Variants in NDST4 observed in about 807,000 individuals in gnomAD.
NDST4 encodes N-heparan sulfate sulfotransferase 4.
Under a neutral mutation model 100.8 loss-of-function variants are expected in NDST4, and 63 were observed. The observed-to-expected ratio is 0.62, with a 90% CI of 0.51 to 0.77. The LOEUF (loss-of-function observed/expected upper bound fraction) is 0.77. Ranked by LOEUF, NDST4 falls within the 30% of genes least tolerant of loss-of-function variation. The probability of loss-of-function intolerance (pLI) is 0.00; values close to 1 mark genes in which losing one functional copy is unlikely to be tolerated. For synonymous variants in NDST4, 377 were observed against 361.8 expected (o/e 1.04, Z -0.48); for missense variants, 943 against 1,018.4 (o/e 0.93, Z 1.01).
chr4:115,104,380 G>GGT (rs1233799072), intron 1 of NDST4, among the ~76,000 whole-genome samples: 1 of 152,006 alleles, frequency 6.6e-6, no homozygotes, highest in East Asian at 1.9e-4. Context: ...CACTATAAGG[G>GGT]GTGTGGATAA....
intron 6 of NDST4, among the ~76,000 whole-genome samples, chr4:114,882,250 G>A (rs930161900): frequency 8.6e-5 from 13 of 151,736 alleles, no homozygotes; most frequent in Admixed American, 8.6e-4. Flanking sequence ...TATCTTCACT[G>A]GAGTTATTTT....
intron 2 of NDST4, among the ~76,000 whole-genome samples, chr4:114,986,808 A>G (rs1196344797): frequency 2.0e-5 from 1 of 51,230 alleles, no homozygotes; most frequent in African/African-American, 5.3e-5. Context: ...ATATATATAT[A>G]TATATATATA....
intron 2 of NDST4, among the ~76,000 whole-genome samples, chr4:115,059,005 G>A (rs905840310): frequency 3.6e-5 from 5 of 140,770 alleles, no homozygotes; most frequent in South Asian, 2.2e-4. Context: ...ACACACACAC[G>A]CTCAAAATTA....
chr4:114,975,652 A>G lies in NDST4; in HGVS notation c.1066+1535T>C, dbSNP rs1174686062. On this transcript the variant is annotated intron_variant, in intron 3 of 13. Coordinates refer to ENST00000264363, the MANE Select transcript of NDST4 (RefSeq NM_022569.3). ...TTAATAGGTCTGAGTATGAAAAGTA[A>G]ATAAAAACTGAGGCAGTTATCCAGA... Among the ~76,000 whole-genome samples, 4 of 152,164 alleles carry G rather than the reference A, an allele frequency of 2.6e-5. No individual in the cohort carries two copies. In the East Asian group the frequency reaches 5.8e-4, roughly 22 times the overall value.
chr4:114,846,031 AAAT>A (rs1723542450), intron 9 of NDST4, 34 bp from the exon 10 acceptor site: 3 of 1,500,064 alleles, frequency 2.0e-6, no homozygotes, highest in Non-Finnish European at 2.7e-6. Flanking sequence ...ATTAATCTGA[AAAT>A]AATTTTTCTT....
chr4:114,947,142 C>A lies in NDST4; in HGVS notation c.1222-9639G>T, dbSNP rs1460308948. 2.0e-5 allele frequency among the ~76,000 whole-genome samples: 3 copies of A among 152,150 alleles called. No homozygotes were observed. In the East Asian group the frequency reaches 5.8e-4, roughly 29 times the overall value. On this transcript the variant is annotated intron_variant, in intron 4 of 13. Coordinates refer to ENST00000264363, the MANE Select transcript of NDST4 (RefSeq NM_022569.3). Reference sequence around the variant, plus strand: ...GCAGCATAGAAGGTCCCCTTGGGGTCTATGGCCAGGTATTAAAGTGAGAAC... The same window carrying A: ...GCAGCATAGAAGGTCCCCTTGGGGTATATGGCCAGGTATTAAAGTGAGAAC...
At chr4:114,842,012 T>C (rs1723436620) in intron 10 of NDST4, among the ~76,000 whole-genome samples, 1 of 152,130 alleles carries the variant, frequency 6.6e-6, no homozygotes, top group Admixed American at 6.5e-5. Context: ...CCTTCAAAAA[T>C]TCCCTTTTAG....
intron 6 of NDST4, among the ~76,000 whole-genome samples, chr4:114,881,098 A>T (rs72679799): frequency 0.073 from 11,120 of 152,126 alleles, 477 homozygotes; most frequent in East Asian, 0.13. Context: ...CCTAAGAGCC[A>T]TAAGGAACCA....
At chr4:114,889,388 C>A (rs934520811) in intron 6 of NDST4, among the ~76,000 whole-genome samples, 1 of 151,996 alleles carries the variant, frequency 6.6e-6, no homozygotes, top group Admixed American at 6.6e-5. Flanking sequence ...AGATGTCAAA[C>A]GAAGAAGTGG....
chr4:115,072,746 A>T lies in NDST4; in HGVS notation c.978+3313T>A, dbSNP rs560012822. ...GCCCATAAAATGACTAAAAGAAAAC[A>T]TAGAGGGAACTTCTATGATGTTGGT... is the stretch of plus-strand genomic sequence containing the variant. On this transcript the variant is annotated intron_variant, in intron 2 of 13. Coordinates refer to ENST00000264363, the MANE Select transcript of NDST4 (RefSeq NM_022569.3). 5.3e-5 allele frequency among the ~76,000 whole-genome samples: 8 copies of T among 150,890 alleles called. No individual in the cohort carries two copies. The East Asian group carries it at 1.4e-3, about 25-fold the overall frequency.
chr4:114,946,114 A>G (rs1208028953), intron 4 of NDST4, among the ~76,000 whole-genome samples: 1 of 152,184 alleles, frequency 6.6e-6, no homozygotes, highest in African/African-American at 2.4e-5. Flanking sequence ...AAAGGGGACT[A>G]ATGGAAAAAC....
intron 6 of NDST4, among the ~76,000 whole-genome samples, chr4:114,911,250 T>G (rs1159153018): frequency 6.6e-6 from 1 of 152,214 alleles, no homozygotes; most frequent in Non-Finnish European, 1.5e-5. Flanking sequence ...TTGCTCAGTG[T>G]GCCTCAGCCA....
In NDST4 at chr4:115,076,646, C is replaced by G; in HGVS notation, c.391G>C (p.Val131Leu). Residue 131 changes from valine to leucine, a missense_variant, in exon 2 of 14, where the codon GTT (valine) becomes CTT (leucine). Val to Leu is a conservative substitution (Grantham distance 32, BLOSUM62 1). This residue lies in a region of NDST4 where 417 missense variants were observed against 384.2 expected (regional missense o/e 1.09). Transcript: ENST00000264363. ...TDNGKGKYTL[V>L]IYENILKYVS... Reference sequence around the variant, plus strand: ...TACTTCAGAATATTTTCATAAATAACTAAAGTATATTTCCCTTTGCCATTA... The same window carrying G: ...TACTTCAGAATATTTTCATAAATAAGTAAAGTATATTTCCCTTTGCCATTA... 8 of 1,613,760 alleles carry G rather than the reference C, an allele frequency of 5.0e-6. No homozygotes were observed. The highest frequency in any genetic ancestry group is 6.8e-6 in the Non-Finnish European group (8 of 1,179,874).
intron 3 of NDST4, among the ~76,000 whole-genome samples, chr4:114,974,292 A>T (rs1374170616): frequency 6.6e-6 from 1 of 152,066 alleles, no homozygotes; most frequent in Non-Finnish European, 1.5e-5. Flanking sequence ...CAAAAAACAA[A>T]AAATCACAGA....
chr4:115,091,332 T>C (rs991438994), intron 1 of NDST4, among the ~76,000 whole-genome samples: 32 of 152,128 alleles, frequency 2.1e-4, no homozygotes, highest in Non-Finnish European at 4.4e-4. Flanking sequence ...TTCTAAATAT[T>C]TGAATCTGCT....
At chr4:114,941,607 G>A (rs146889032) in intron 4 of NDST4, among the ~76,000 whole-genome samples, 1 of 152,290 alleles carries the variant, frequency 6.6e-6, no homozygotes, top group African/African-American at 2.4e-5. Context: ...GTTGCTGGCT[G>A]TAAGTTCTTG....
intron 8 of NDST4, among the ~76,000 whole-genome samples, chr4:114,849,031 G>A (rs1723617831): frequency 6.6e-6 from 1 of 152,144 alleles, no homozygotes; most frequent in South Asian, 2.1e-4. Flanking sequence ...AAAAACATAA[G>A]TGTTACACAG....
chr4:114,914,172 A>G (rs1428728728), intron 6 of NDST4, among the ~76,000 whole-genome samples: 1 of 152,080 alleles, frequency 6.6e-6, no homozygotes, highest in African/African-American at 2.4e-5. Flanking sequence ...AAGGAAGGTT[A>G]CCAGAAGCTG....
intron 6 of NDST4, among the ~76,000 whole-genome samples, chr4:114,886,126 T>A (rs998457686): frequency 6.6e-6 from 1 of 152,118 alleles, no homozygotes; most frequent in Non-Finnish European, 1.5e-5. Context: ...ATTTTTCTAA[T>A]ATATTTATAA....
Sources: allele counts gnomAD v4.1 joint callset (sites outside exome capture counted in the v4.1 genomes callset), GRCh38; gene constraint gnomAD v4.1.1; regional missense constraint gnomAD v4.1.1; transcripts MANE v1.5; gene names NCBI Gene and HGNC (gene_info 2026-07-23, HGNC 2026-07-21).